Variants in AEBP2 observed in about 807,000 individuals in gnomAD.
AEBP2 encodes the protein zinc finger protein AEBP2.
Under a neutral mutation model 50.8 loss-of-function variants are expected in AEBP2, and 10 were observed. The observed-to-expected ratio is 0.20, with a 90% CI of 0.12 to 0.33. The LOEUF (loss-of-function observed/expected upper bound fraction) is 0.33. AEBP2 is among the 10% of genes least tolerant of loss of function. The pLI is 1.00. For missense variants in AEBP2, 570 were observed against 688.0 expected (o/e 0.83, Z 1.92); for synonymous variants, 296 against 261.3 (o/e 1.13, Z -1.28).
At chr12:19,475,860 C>T (rs755830586) in intron 3 of AEBP2, among the ~76,000 whole-genome samples, 18 of 151,990 alleles carry the variant, frequency 1.2e-4, no homozygotes, top group Admixed American at 2.0e-4. Flanking sequence ...GCCCACTTTT[C>T]GATGGGATTA....
intron 5 of AEBP2, chr12:19,509,093 C>A: frequency 1.8e-6 from 1 of 559,096 alleles, no homozygotes; most frequent in Non-Finnish European, 3.3e-6. Flanking sequence ...ACCTAAAGTT[C>A]TTAATGAGAT....
At chr12:19,506,630 A>G (rs1449978533) in intron 5 of AEBP2, among the ~76,000 whole-genome samples, 1 of 152,128 alleles carries the variant, frequency 6.6e-6, no homozygotes, top group Non-Finnish European at 1.5e-5. Flanking sequence ...TAGAAAACCT[A>G]CTGTTGTTCT....
At chr12:19,483,575 A>C (rs545476631) in intron 3 of AEBP2, among the ~76,000 whole-genome samples, 24 of 152,238 alleles carry the variant, frequency 1.6e-4, no homozygotes, top group African/African-American at 5.1e-4. Context: ...CTCTCTGCCA[A>C]AGTGGGAGCT....
chr12:19,423,230 A>G (rs952322914), intron 1 of AEBP2, among the ~76,000 whole-genome samples: 4 of 152,144 alleles, frequency 2.6e-5, no homozygotes, highest in African/African-American at 9.6e-5. Context: ...CTGCTAGAAA[A>G]CCCAGCAACC....
chr12:19,486,305 C>T (rs1327014381), intron 3 of AEBP2, among the ~76,000 whole-genome samples: 1 of 152,172 alleles, frequency 6.6e-6, no homozygotes, highest in African/African-American at 2.4e-5. Context: ...CATTTAAAAA[C>T]ATTGCTCTGT....
At position 19,515,230 on chromosome 12, in the gene AEBP2, G is replaced by A. The variant is rs1462226461; in HGVS notation, c.1481+446G>A. On this transcript the variant is annotated intron_variant, in intron 7 of 7. Transcript: ENST00000266508. ...TATTTGTTTTTTAAGACATAGCTTA[G>A]AGTGTTCACATTTCTAGTAATTTTA... 3.3e-5 allele frequency among the ~76,000 whole-genome samples: 5 copies of A among 152,244 alleles called. No individual in the cohort carries two copies. The East Asian group carries it at 9.7e-4, about 29-fold the overall frequency.
chr12:19,405,505 T>C (rs1480798816), intron 1 of AEBP2, among the ~76,000 whole-genome samples: 2 of 151,868 alleles, frequency 1.3e-5, no homozygotes, highest in Non-Finnish European at 2.9e-5. Flanking sequence ...TTTGTATTTT[T>C]AGTACAGACA....
chr12:19,477,826 C>T (rs1415988415), intron 3 of AEBP2, among the ~76,000 whole-genome samples: 1 of 152,126 alleles, frequency 6.6e-6, no homozygotes, highest in Non-Finnish European at 1.5e-5. Flanking sequence ...CCCTCTTTCT[C>T]TGTCTTTTGG....
chr12:19,458,744 G>A (rs888414320), intron 1 of AEBP2, among the ~76,000 whole-genome samples: 12 of 152,142 alleles, frequency 7.9e-5, no homozygotes, highest in Non-Finnish European at 1.3e-4. Flanking sequence ...AAAAAAAATC[G>A]ATTTGGTTTT....
upstream of AEBP2, among the ~76,000 whole-genome samples, chr12:19,436,469 T>C (rs1565700612): frequency 6.6e-6 from 1 of 152,214 alleles, no homozygotes; most frequent in African/African-American, 2.4e-5. Flanking sequence ...TTCACTTTAC[T>C]GTATGGACTT....
chr12:19,444,842 T>G (rs1202868620), intron 1 of AEBP2, among the ~76,000 whole-genome samples: 1 of 152,178 alleles, frequency 6.6e-6, no homozygotes, highest in Non-Finnish European at 1.5e-5. Context: ...TGGTGAATAC[T>G]CCATTAATTA....
rs60562216 is a variant in AEBP2, at chr12:19,427,148, G to A, written c.-17+22932G>A. 2.8e-3 allele frequency among the ~76,000 whole-genome samples: 425 copies of A among 152,082 alleles called. 3 individuals carry two copies. The highest frequency in any genetic ancestry group is 9.9e-3 in the African/African-American group (409 of 41,472). ...TGTAATCCCTTTGGGAGGCTGAGGT[G>A]GGTGGATCACATGAGGTCAGGAGTT... is the stretch of plus-strand genomic sequence containing the variant. On this transcript the variant is annotated intron_variant, in intron 1 of 3. Coordinates refer to the AEBP2 transcript ENST00000538425.
At chr12:19,506,189 C>G (rs542250065) in intron 5 of AEBP2, among the ~76,000 whole-genome samples, 475 of 152,152 alleles carry the variant, frequency 3.1e-3, no homozygotes, top group Middle Eastern at 0.014. Flanking sequence ...CTCTGCCTCC[C>G]AGGTTCAAGT....
intron 3 of AEBP2, among the ~76,000 whole-genome samples, chr12:19,477,766 A>G (rs12367050): frequency 1.3e-5 from 2 of 152,090 alleles, no homozygotes; most frequent in Middle Eastern, 6.8e-3. Flanking sequence ...TCCTTTCCTG[A>G]TTTTGGTATT....
chr12:19,433,445 T>C (rs1280161852), intron 1 of AEBP2, among the ~76,000 whole-genome samples: 2 of 151,980 alleles, frequency 1.3e-5, no homozygotes, highest in African/African-American at 2.4e-5. Context: ...TAAAAATGAA[T>C]TCCCAGTGTA....
At chr12:19,511,709 A>G (rs1275495922) in intron 5 of AEBP2, among the ~76,000 whole-genome samples, 1 of 151,994 alleles carries the variant, frequency 6.6e-6, no homozygotes, top group Non-Finnish European at 1.5e-5. Flanking sequence ...GTGTTGGAAT[A>G]TTTGCTGTCC....
rs1177197472 is a variant in AEBP2, at chr12:19,457,268, A to G, written c.672-5242A>G. 7.6e-6 allele frequency: 12 copies of G among 1,586,282 alleles called. No individual in the cohort carries two copies. The African/African-American group carries it at 1.6e-4, about 21-fold the overall frequency. On this transcript the variant is annotated intron_variant, in intron 1 of 7. Transcript: ENST00000266508. Reference sequence around the variant, plus strand: ...CCATTCTTGGAGATACCAGCTTCAAATTCACCAACACTGGCAGCAACAATC... The same window carrying G: ...CCATTCTTGGAGATACCAGCTTCAAGTTCACCAACACTGGCAGCAACAATC...
chr12:19,495,416 C>G (rs1383750167), intron 4 of AEBP2, among the ~76,000 whole-genome samples: 1 of 152,154 alleles, frequency 6.6e-6, no homozygotes, highest in East Asian at 1.9e-4. Flanking sequence ...ACATTGAAAT[C>G]TTTTTGTTAC....
intron 1 of AEBP2, among the ~76,000 whole-genome samples, chr12:19,458,408 T>G (rs1948311609): frequency 6.6e-6 from 1 of 152,206 alleles, no homozygotes; most frequent in Non-Finnish European, 1.5e-5. Flanking sequence ...TGGGATGTCT[T>G]GAGTGTTCCA....
Sources: gnomAD v4.1 joint callset for allele counts (sites outside exome capture counted in the v4.1 genomes callset) on GRCh38, gnomAD v4.1.1 for gene constraint, MANE v1.5 for transcripts, NCBI Gene and HGNC (gene_info 2026-07-23, HGNC 2026-07-21) for gene names.